Variants in HRH3 observed in about 807,000 individuals in gnomAD.
HRH3 encodes histamine H3 receptor.
Under a neutral mutation model 21.6 loss-of-function variants are expected in HRH3, and 13 were observed. The observed-to-expected ratio is 0.60, with a 90% CI of 0.39 to 0.96. HRH3 has a LOEUF of 0.96. Ranked by LOEUF, HRH3 falls within the 40% of genes least tolerant of loss-of-function variation. The pLI is 0.00. For synonymous variants in HRH3, 276 were observed against 290.3 expected (o/e 0.95, Z 0.50); for missense variants, 461 against 622.7 (o/e 0.74, Z 2.76).
chr20:62,216,727 T>C lies in HRH3; in HGVS notation c.617A>G (p.Glu206Gly), dbSNP rs1486730168. The C allele has an allele frequency of 1.2e-6, 2 of 1,613,178 alleles. No individual in the cohort carries two copies. The highest frequency in any genetic ancestry group is 1.7e-6 in the Non-Finnish European group (2 of 1,179,996). ...WYFLITASTL[E>G]FFTPFLSVTF... The stretch of plus-strand genomic sequence containing the variant: ...GACGCTGAGGAAGGGCGTAAAGAAC[T>C]CCAGGGTGGAAGCCGTGATGAGGAA... The change falls in exon 3 of 3, where the codon GAG (glutamate) becomes GGG (glycine). Residue 206 changes from glutamate (E) to glycine (G), a missense_variant. Around this residue, in one of 6 missense-constraint regions of HRH3, gnomAD observed 17 missense variants for 54.0 expected, o/e 0.31. Coordinates refer to ENST00000340177, the MANE Select transcript of HRH3 (RefSeq NM_007232.3).
Position 62,217,107 on chromosome 20 carries a change from G to A in HRH3, c.418-181C>T, listed in dbSNP as rs545212712. Among the ~76,000 whole-genome samples, 13 of 150,876 alleles carry A rather than the reference G, an allele frequency of 8.6e-5. No individual in the cohort carries two copies. In the South Asian group the frequency reaches 1.7e-3, roughly 20 times the overall value. Reference sequence around the variant, plus strand: ...CTCTAACCCTCCCCACTGGGGTCCCGGACTGGTGCCCTGCCACACTCAGTG... The same window carrying A: ...CTCTAACCCTCCCCACTGGGGTCCCAGACTGGTGCCCTGCCACACTCAGTG... On this transcript the variant is annotated intron_variant, in intron 2 of 2. Transcript: ENST00000340177.
chr20:62,215,346 C>T lies in HRH3; in HGVS notation c.*660G>A, dbSNP rs1978489737. On this transcript the variant is annotated 3_prime_UTR_variant, in exon 3 of 3. Coordinates refer to ENST00000340177, the MANE Select transcript of HRH3 (RefSeq NM_007232.3). ...GCCCTGAGCTCCTCAGCAATTTTGT[C>T]TCTCTTGATTAAACATCCCAGGAAC... 2.2e-6 allele frequency: 1 copy of T among 456,706 alleles called. No individual in the cohort carries two copies. Among genetic ancestry groups the T allele is most frequent in the Admixed American group, 2.3e-5 (1 of 42,574 alleles). 28.3% of individuals were successfully genotyped at this position (456,706 alleles called of 1,614,324 possible).
chr20:62,220,025 TG>T lies in HRH3; in HGVS notation c.-56del. 1.0e-6 allele frequency: 1 copy of T among 990,092 alleles called. No individual in the cohort carries two copies. Among genetic ancestry groups the T allele is most frequent in the South Asian group, 4.6e-5 (1 of 21,538 alleles). 61.3% of individuals were successfully genotyped at this position (990,092 alleles called of 1,614,324 possible). On this transcript the variant is annotated 5_prime_UTR_variant, in exon 1 of 3. It removes the in-frame stop codon of an upstream open reading frame in the 5' UTR. Transcript: ENST00000340177. ...GCGGGGCAGGGCGCCGGCCGAGAGCTGGGCGGCCGGGAGGGGCCCCGGCCCG... is the reference window on the plus strand; with the variant it reads ...GCGGGGCAGGGCGCCGGCCGAGAGCTGGCGGCCGGGAGGGGCCCCGGCCCG...
chr20:62,219,638 A>C lies in HRH3; in HGVS notation c.250+83T>G. 1 of 1,509,080 alleles carries C rather than the reference A, an allele frequency of 6.6e-7. No homozygotes were observed. The highest frequency in any genetic ancestry group is 1.2e-5 in the South Asian group (1 of 81,338). The allele number at this position is 1,509,080 out of a possible 1,614,324, so 93.5% of individuals were successfully genotyped here. The stretch of plus-strand genomic sequence containing the variant: ...GGTGGGGCGTGTGCCTGCGGGAGCC[A>C]CCCAGGTCCGTGTTCCAGTCCCCGC... On this transcript the variant is annotated intron_variant, in intron 1 of 2. Transcript: ENST00000340177. This position sits in a 1 kb window ranked among gnomAD's most constrained non-coding sequence, Gnocchi z 8.7.
In HRH3 at chr20:62,215,887, G is replaced by C; in HGVS notation, c.*119C>G. On this transcript the variant is annotated 3_prime_UTR_variant, in exon 3 of 3. Transcript: ENST00000340177. ...GTGGCTGCCGTGGCATTAAGAGAGG[G>C]CCACAGACACGGCGGGGCTCACCCC... The C allele has an allele frequency of 9.9e-7, 1 of 1,013,538 alleles. No homozygotes were observed. The highest frequency in any genetic ancestry group is 1.7e-5 in the South Asian group (1 of 58,992). 62.8% of individuals were successfully genotyped at this position (1,013,538 alleles called of 1,614,324 possible).
At position 62,219,088 on chromosome 20, in the gene HRH3, G is replaced by A. The variant is rs1978699380; in HGVS notation, c.251-431C>T. 6.6e-6 allele frequency among the ~76,000 whole-genome samples: 1 copy of A among 151,728 alleles called. No individual in the cohort carries two copies. Among genetic ancestry groups the A allele is most frequent in the Non-Finnish European group, 1.5e-5 (1 of 67,894 alleles). On this transcript the variant is annotated intron_variant, in intron 1 of 2. Coordinates refer to ENST00000340177, the MANE Select transcript of HRH3 (RefSeq NM_007232.3). The surrounding 1 kb of genome is among the most constrained non-coding windows in gnomAD (Gnocchi z 8.7). Reference sequence around the variant, plus strand: ...CGGTCTCAGCTTAGACAAGGAGAAAGCCTTTCTCCTGGCTGAAAGGGCACT... The same window carrying A: ...CGGTCTCAGCTTAGACAAGGAGAAAACCTTTCTCCTGGCTGAAAGGGCACT...
Position 62,219,643 on chromosome 20 carries a change from G to C in HRH3, c.250+78C>G. Reference sequence around the variant, plus strand: ...GGCGTGTGCCTGCGGGAGCCACCCAGGTCCGTGTTCCAGTCCCCGCTGGCC... The same window carrying C: ...GGCGTGTGCCTGCGGGAGCCACCCACGTCCGTGTTCCAGTCCCCGCTGGCC... On this transcript the variant is annotated intron_variant, in intron 1 of 2. Transcript: ENST00000340177. This position sits in a 1 kb window ranked among gnomAD's most constrained non-coding sequence, Gnocchi z 8.7. 1 of 1,518,916 alleles carries C rather than the reference G, an allele frequency of 6.6e-7. No homozygotes were observed. Among genetic ancestry groups the C allele is most frequent in the South Asian group, 1.2e-5 (1 of 81,842 alleles). The allele number at this position is 1,518,916 out of a possible 1,614,324, so 94.1% of individuals were successfully genotyped here.
intron 2 of HRH3, among the ~76,000 whole-genome samples, chr20:62,217,278 A>G (rs1169076494): frequency 2.6e-5 from 4 of 152,160 alleles, no homozygotes; most frequent in African/African-American, 9.7e-5. Flanking sequence ...TCAGCCCCAG[A>G]CCACGTGCAC....
rs552711970 is a variant in HRH3 at position 62,218,993 on chromosome 20, G to A, written c.251-336C>T. On this transcript the variant is annotated intron_variant, in intron 1 of 2. Coordinates refer to ENST00000340177, the MANE Select transcript of HRH3 (RefSeq NM_007232.3). This position sits in a 1 kb window ranked among gnomAD's most constrained non-coding sequence, Gnocchi z 5.6. ...TCCAGCCCTCCCAGCCCTCAAAGGA[G>A]GAAAGAAGACAATTTCCTTCTCCCC... Among the ~76,000 whole-genome samples the A allele has an allele frequency of 2.2e-4, 34 of 151,952 alleles. No individual in the cohort carries two copies. Among genetic ancestry groups the A allele is most frequent in the African/African-American group, 7.0e-4 (29 of 41,428 alleles).
In HRH3 at chr20:62,218,967, G is replaced by A. The variant is rs1012959068; in HGVS notation, c.251-310C>T. Among the ~76,000 whole-genome samples the A allele has an allele frequency of 2.6e-5, 4 of 151,598 alleles. No individual in the cohort carries two copies. Among genetic ancestry groups the A allele is most frequent in the African/African-American group, 9.7e-5 (4 of 41,218 alleles). ...TGGAGTCGGGATTCCCTGGACTTCT[G>A]TCCAGCCCTCCCAGCCCTCAAAGGA... On this transcript the variant is annotated intron_variant, in intron 1 of 2. Transcript: ENST00000340177. The surrounding 1 kb of genome is among the most constrained non-coding windows in gnomAD (Gnocchi z 5.6).
At position 62,215,836 on chromosome 20, in the gene HRH3, A is replaced by T; in HGVS notation, c.*170T>A. 1 of 692,474 alleles carries T rather than the reference A, an allele frequency of 1.4e-6. No individual in the cohort carries two copies. Among genetic ancestry groups the T allele is most frequent in the South Asian group, 2.0e-5 (1 of 50,560 alleles). The allele number at this position is 692,474 out of a possible 1,614,324, so 42.9% of individuals were successfully genotyped here. A position where few individuals can be genotyped will look rare whatever the true frequency, so the allele number is the denominator to read the frequency against. On this transcript the variant is annotated 3_prime_UTR_variant, in exon 3 of 3. Coordinates refer to ENST00000340177, the MANE Select transcript of HRH3 (RefSeq NM_007232.3). ...CAGCCAGTGAGGGGCCCTCTGGCCA[A>T]CCCAGGAAGGCGCCTCCATGGCAGG...
chr20:62,218,531 A>G lies in HRH3; in HGVS notation c.377T>C (p.Val126Ala). The G allele has an allele frequency of 1.2e-6, 2 of 1,612,304 alleles. No individual in the cohort carries two copies. The highest frequency in any genetic ancestry group is 1.7e-6 in the Non-Finnish European group (2 of 1,179,952). ...LLCTSSAFNI[V>A]LISYDRFLSV... ...CAGGAAGCGGTCGTAGCTGATGAGC[A>G]CGATGTTGAAGGCAGAGGAGGTGCA... is the stretch of plus-strand genomic sequence containing the variant. Residue 126 changes from valine to alanine, a missense_variant, in exon 2 of 3, where the codon GTG becomes GCG. Physicochemically the swap from Val to Ala is moderately conservative, Grantham distance 64. Coordinates refer to ENST00000340177, the MANE Select transcript of HRH3 (RefSeq NM_007232.3). The surrounding 1 kb of genome is among the most constrained non-coding windows in gnomAD (Gnocchi z 5.6).
chr20:62,219,504 C>T lies in HRH3; in HGVS notation c.250+217G>A, dbSNP rs3746655. ...CTCGCCCAGTGCCCGTGTCCCTTCC[C>T]GGGGACATCTCTCCCCAGCCCCTGT... On this transcript the variant is annotated intron_variant, in intron 1 of 2. Transcript: ENST00000340177. This position sits in a 1 kb window ranked among gnomAD's most constrained non-coding sequence, Gnocchi z 8.7. Among the ~76,000 whole-genome samples, 19 of 152,288 alleles carry T rather than the reference C, an allele frequency of 1.2e-4. No homozygotes were observed. In the East Asian group the frequency reaches 3.7e-3, roughly 29 times the overall value.
chr20:62,216,307 T>C lies in HRH3; in HGVS notation c.1037A>G (p.Gln346Arg). The C allele has an allele frequency of 6.2e-7, 1 of 1,610,952 alleles. No homozygotes were observed. Among genetic ancestry groups the C allele is most frequent in the Non-Finnish European group, 8.5e-7 (1 of 1,178,840 alleles). Reference sequence around the variant, plus strand: ...CCTGTCCCGAGACAGCCGAAAGCGCTGGGTGAAGCTCTGGGACACCATCTT... The same window carrying C: ...CCTGTCCCGAGACAGCCGAAAGCGCCGGGTGAAGCTCTGGGACACCATCTT... ...RMKMVSQSFTQRFRLSRDRKV... is the reference protein window; with the variant it reads ...RMKMVSQSFTRRFRLSRDRKV... Residue 346 changes from glutamine to arginine, a missense_variant, in exon 3 of 3, where the codon CAG becomes CGG. By Grantham distance (43) the Gln-to-Arg change is conservative. This residue lies in a region of HRH3 where 102 missense variants were observed against 166.6 expected (regional missense o/e 0.61). Transcript: ENST00000340177.
In HRH3 at chr20:62,218,026, C is replaced by T. The variant is rs563105480; in HGVS notation, c.417+465G>A. 3.9e-4 allele frequency among the ~76,000 whole-genome samples: 59 copies of T among 152,254 alleles called. No individual in the cohort carries two copies. The highest frequency in any genetic ancestry group is 1.3e-3 in the African/African-American group (54 of 41,554). ...CTCCCTGGGCTGCATGGCCCCGATGCGGGAGCCTGGGTGGGGCAGGGTCCC... is the reference window on the plus strand; with the variant it reads ...CTCCCTGGGCTGCATGGCCCCGATGTGGGAGCCTGGGTGGGGCAGGGTCCC... On this transcript the variant is annotated intron_variant, in intron 2 of 2. Transcript: ENST00000340177. The surrounding 1 kb of genome is among the most constrained non-coding windows in gnomAD (Gnocchi z 5.6).
Position 62,216,879 on chromosome 20 carries a change from C to T in HRH3, c.465G>A (p.Lys155=). The change falls in exon 3 of 3, where the codon AAG becomes AAA. Residue 155 remains lysine (K), a synonymous_variant. Coordinates refer to ENST00000340177, the MANE Select transcript of HRH3 (RefSeq NM_007232.3). ...AGGCCAGCACCCACACCAGCAGCAT[C>T]TTCCGCACTGCCCGCCGCGTGTCAC... is the stretch of plus-strand genomic sequence containing the variant. ...QQGDTRRAVR[K]MLLVWVLAFL... The T allele has an allele frequency of 1.2e-6, 2 of 1,611,370 alleles. No homozygotes were observed. The highest frequency in any genetic ancestry group is 1.7e-6 in the Non-Finnish European group (2 of 1,178,972).
Position 62,219,997 on chromosome 20 carries a change from G to A in HRH3, c.-27C>T. 1 of 1,002,060 alleles carries A rather than the reference G, an allele frequency of 1.0e-6. No homozygotes were observed. Among genetic ancestry groups the A allele is most frequent in the African/African-American group, 1.7e-5 (1 of 57,282 alleles). The allele number at this position is 1,002,060 out of a possible 1,614,324, so 62.1% of individuals were successfully genotyped here. On this transcript the variant is annotated 5_prime_UTR_variant, in exon 1 of 3. Transcript: ENST00000340177. The surrounding 1 kb of genome is among the most constrained non-coding windows in gnomAD (Gnocchi z 8.7). ...GCCCCGCAGGCTCACGCGGCTCCGG[G>A]ACGCGGGGCAGGGCGCCGGCCGAGA...
rs1374743779 is a variant in HRH3 at position 62,220,101 on chromosome 20, G to A, written c.-131C>T. 3 of 793,058 alleles carry A rather than the reference G, an allele frequency of 3.8e-6. No homozygotes were observed. Among genetic ancestry groups the A allele is most frequent in the African/African-American group, 3.8e-5 (2 of 53,178 alleles). The allele number at this position is 793,058 out of a possible 1,614,324, so 49.1% of individuals were successfully genotyped here. On this transcript the variant is annotated 5_prime_UTR_variant, in exon 1 of 3. Coordinates refer to ENST00000340177, the MANE Select transcript of HRH3 (RefSeq NM_007232.3). ...GGCCGGGTCGGGTTCCCCTGGGGGCGCCCAGCGCATGGTCCGCGGGGCCGG... is the reference window on the plus strand; with the variant it reads ...GGCCGGGTCGGGTTCCCCTGGGGGCACCCAGCGCATGGTCCGCGGGGCCGG...
chr20:62,217,714 A>G (rs1255149715), intron 2 of HRH3, among the ~76,000 whole-genome samples: 1 of 152,180 alleles, frequency 6.6e-6, no homozygotes. Context: ...GCTATTGCTA[A>G]TGAGAGGTGG....
Sources: allele counts gnomAD v4.1 joint callset (sites outside exome capture counted in the v4.1 genomes callset), GRCh38; gene constraint gnomAD v4.1.1; regional missense constraint gnomAD v4.1.1; non-coding constraint Gnocchi (gnomAD v3.1); transcripts MANE v1.5; gene names NCBI Gene and HGNC (gene_info 2026-07-23, HGNC 2026-07-21).